The following DIS3L variants were observed in gnomAD, a reference collection of about 807,000 sequenced individuals.
DIS3L encodes the protein DIS3 like exosome 3'-5' exoribonuclease.
Under a neutral mutation model 120.3 loss-of-function variants are expected in DIS3L, and 100 were observed. The ratio of observed to expected loss-of-function variants is 0.83; its 90% CI spans 0.71 to 0.98. The LOEUF is 0.98. Among genes scored for constraint, DIS3L ranks in the 50% least tolerant of loss-of-function variants. The pLI, the probability that DIS3L is intolerant of heterozygous loss-of-function variation, is 0.00. For synonymous variants in DIS3L, 426 were observed against 470.6 expected (o/e 0.91, Z 1.23); for missense variants, 1,196 against 1,314.2 (o/e 0.91, Z 1.39).
intron 3 of DIS3L, among the ~76,000 whole-genome samples, chr15:66,308,210 CCTGTTTCCCAGTTCT>C (rs1053913209): frequency 6.6e-6 from 1 of 152,158 alleles, no homozygotes; most frequent in Admixed American, 6.5e-5. Flanking sequence ...GTTCTCCAGA[CCTGTTTCCCAGTTCT>C]CTGTTTCCCA....
rs2092930439 is a variant in DIS3L, at chr15:66,325,883, A to G, written c.1720A>G (p.Lys574Glu). ...ELDKASYEIKKVWYGRTIIRS... is the reference protein window; with the variant it reads ...ELDKASYEIKEVWYGRTIIRS... ...GGATAAAGCCTCTTATGAAATTAAG[A>G]AAGTGTGGTATGGCAGAACCATTAT... Residue 574 changes from lysine (K) to glutamate (E), a missense_variant, in exon 12 of 17, where the codon AAA becomes GAA. Physicochemically the swap from Lys to Glu is moderately conservative, Grantham distance 56. Coordinates refer to ENST00000319212, the MANE Select transcript of DIS3L (RefSeq NM_001143688.3). The G allele has an allele frequency of 3.7e-6, 6 of 1,613,524 alleles. No homozygotes were observed. The East Asian group carries it at 8.9e-5, about 24-fold the overall frequency.
chr15:66,310,147 T>C (rs1268748071), intron 4 of DIS3L, among the ~76,000 whole-genome samples: 2 of 152,176 alleles, frequency 1.3e-5, no homozygotes, highest in African/African-American at 2.4e-5. Flanking sequence ...GAAAGTCTAG[T>C]TGGGTTTTGA....
chr15:66,308,866 G>T, intron 4 of DIS3L, 22 bp downstream of exon 4: 2 of 1,601,674 alleles, frequency 1.2e-6, no homozygotes, highest in Non-Finnish European at 1.7e-6. Flanking sequence ...TATTGTATAT[G>T]TATGAGTGCT....
intron 11 of DIS3L, among the ~76,000 whole-genome samples, chr15:66,324,402 T>G (rs1039197797): frequency 6.6e-6 from 1 of 152,146 alleles, no homozygotes; most frequent in Admixed American, 6.6e-5. Context: ...TGAACTCCTG[T>G]GCTCAAGTGA....
chr15:66,300,927 T>C (rs373706948), intron 2 of DIS3L, among the ~76,000 whole-genome samples: 7 of 152,334 alleles, frequency 4.6e-5, no homozygotes, highest in Admixed American at 2.0e-4. Flanking sequence ...CAATATAAAC[T>C]TGTGGAAAAC....
At position 66,327,344 on chromosome 15, in the gene DIS3L, G is replaced by C. The variant is rs77739328; in HGVS notation, c.2201+980G>C. On this transcript the variant is annotated intron_variant, in intron 12 of 16. Coordinates refer to ENST00000319212, the MANE Select transcript of DIS3L (RefSeq NM_001143688.3). ...CTATTTATTTCAGTACTTTTAAAAT[G>C]CAGCATCTTTGTGACAATATCATAA... Among the ~76,000 whole-genome samples the C allele has an allele frequency of 9.8e-3, 1,487 of 152,280 alleles. 53 individuals are homozygous for C. Among genetic ancestry groups the C allele is most frequent in the Admixed American group, 0.061 (940 of 15,290 alleles).
At chr15:66,326,683 G>A in intron 12 of DIS3L, 1 of 224,640 alleles carries the variant, frequency 4.5e-6, no homozygotes, top group Non-Finnish European at 8.9e-6. Context: ...AGGTTCAAGT[G>A]ACTCTCCTGC....
intron 2 of DIS3L, among the ~76,000 whole-genome samples, chr15:66,302,374 C>T (rs904220969): frequency 6.6e-6 from 1 of 151,904 alleles, no homozygotes; most frequent in African/African-American, 2.4e-5. Flanking sequence ...CTCAAAAAAA[C>T]AAAAGCAAAA....
In DIS3L at chr15:66,328,984, T is replaced by A. The variant is rs2092967485; in HGVS notation, c.2216T>A (p.Leu739Gln). Residue 739 changes from leucine to glutamine, a missense_variant, in exon 13 of 17, where the codon CTG (leucine) becomes CAG (glutamine). Coordinates refer to ENST00000319212, the MANE Select transcript of DIS3L (RefSeq NM_001143688.3). ...FFIDTRSNKT[L>Q]ADSLDNANDP... Reference sequence around the variant, plus strand: ...TTCTTTGTCAGGTCCAATAAAACACTGGCTGATTCTCTGGATAATGCGAAC... The same window carrying A: ...TTCTTTGTCAGGTCCAATAAAACACAGGCTGATTCTCTGGATAATGCGAAC... 1 of 1,611,464 alleles carries A rather than the reference T, an allele frequency of 6.2e-7. No homozygotes were observed. The highest frequency in any genetic ancestry group is 1.3e-5 in the African/African-American group (1 of 74,804).
At chr15:66,293,970 G>A in intron 1 of DIS3L, 2 of 992,998 alleles carry the variant, frequency 2.0e-6, no homozygotes, top group Non-Finnish European at 2.4e-6. Flanking sequence ...CCTGTCCAAT[G>A]GGAGGGCCCG....
At chr15:66,294,887 T>C in intron 1 of DIS3L, 101 bp from the exon 2 acceptor site, 1 of 1,237,994 alleles carries the variant, frequency 8.1e-7, no homozygotes, top group South Asian at 1.6e-5. Context: ...CACCATGGAG[T>C]TAAGACTGGA....
chr15:66,301,663 G>A (rs962197684), intron 2 of DIS3L, among the ~76,000 whole-genome samples: 6 of 152,254 alleles, frequency 3.9e-5, no homozygotes, highest in Middle Eastern at 3.4e-3. Context: ...TGCTGACTCC[G>A]TGCAGGATGT....
intron 2 of DIS3L, among the ~76,000 whole-genome samples, chr15:66,298,079 G>A (rs149312457): frequency 9.9e-5 from 15 of 151,000 alleles, no homozygotes; most frequent in Non-Finnish European, 2.1e-4. Context: ...CTCAGGAGAC[G>A]GAGGCAGGAA....
intron 2 of DIS3L, among the ~76,000 whole-genome samples, chr15:66,301,361 ACCTCTG>A (rs986880561): frequency 4.6e-5 from 7 of 151,798 alleles, no homozygotes; most frequent in Non-Finnish European, 1.0e-4. Context: ...GCTCACTGCA[ACCTCTG>A]CCTCCTGGGT....
chr15:66,297,158 G>C (rs934285701), intron 2 of DIS3L, among the ~76,000 whole-genome samples: 1 of 152,242 alleles, frequency 6.6e-6, no homozygotes, highest in East Asian at 1.9e-4. Context: ...CTGAGCACTA[G>C]AAAGTGTCAT....
chr15:66,312,317 G>T (rs1309249116), intron 5 of DIS3L, among the ~76,000 whole-genome samples: 1 of 152,070 alleles, frequency 6.6e-6, no homozygotes, highest in Admixed American at 6.6e-5. Context: ...AAACAAGATG[G>T]GCATGAGTAA....
chr15:66,326,122 G>C lies in DIS3L; in HGVS notation c.1959G>C (p.Gly653=), dbSNP rs771404600. 58 of 1,614,052 alleles carry C rather than the reference G, an allele frequency of 3.6e-5. No individual in the cohort carries two copies. The highest frequency in any genetic ancestry group is 4.7e-5 in the Non-Finnish European group (56 of 1,180,036). ...RDGCGALELE[G]VEVCVQLDDK... ...GATGTGGTGCCCTGGAACTGGAAGG[G>C]GTAGAGGTTTGCGTACAGCTAGATG... is the stretch of plus-strand genomic sequence containing the variant. Residue 653 remains glycine, a synonymous_variant, in exon 12 of 17, where the codon GGG becomes GGC. Coordinates refer to ENST00000319212, the MANE Select transcript of DIS3L (RefSeq NM_001143688.3).
intron 10 of DIS3L, 129 bp from the exon 11 acceptor site, chr15:66,323,364 T>C: frequency 1.1e-6 from 1 of 873,790 alleles, no homozygotes; most frequent in East Asian, 2.4e-5. Flanking sequence ...TGCTGCACTT[T>C]ATGAAACAGC....
At chr15:66,323,679 GC>G in intron 11 of DIS3L, 94 bp downstream of exon 11, 1 of 1,316,266 alleles carries the variant, frequency 7.6e-7, no homozygotes, top group Non-Finnish European at 1.1e-6. Context: ...TCTCTGCTAT[GC>G]CCCACCCCAG....
Sources: gnomAD v4.1 joint callset for allele counts (sites outside exome capture counted in the v4.1 genomes callset) on GRCh38, gnomAD v4.1.1 for gene constraint, MANE v1.5 for transcripts, NCBI Gene and HGNC (gene_info 2026-07-23, HGNC 2026-07-21) for gene names.